The following ZNF668 variants were observed in gnomAD, a reference collection of about 807,000 sequenced individuals.
The protein encoded by ZNF668 is zinc finger protein 668.
In ZNF668, 10 loss-of-function variants were observed where a neutral mutation model predicts 40.3. The observed-to-expected ratio is 0.25, with a 90% CI of 0.15 to 0.42. The LOEUF is 0.42. Ranked by LOEUF, ZNF668 falls within the 10% of genes least tolerant of loss-of-function variation. The pLI is 1.00. For synonymous variants in ZNF668, 428 were observed against 384.6 expected, an observed-to-expected ratio of 1.11 and a Z score of -1.32; for missense variants, 749 against 904.6, an observed-to-expected ratio of 0.83 and a Z score of 2.21.
Position 31,064,887 on chromosome 16 carries a change from G to A in ZNF668, c.-22-406C>T, listed in dbSNP as rs762804606. 77 of 1,414,216 alleles carry A rather than the reference G, an allele frequency of 5.4e-5. 1 individual carries two copies. The highest frequency in any genetic ancestry group is 6.7e-5 in the Non-Finnish European group (73 of 1,089,134). The allele number at this position is 1,414,216 out of a possible 1,614,324, so 87.6% of individuals were successfully genotyped here. A position where few individuals can be genotyped will look rare whatever the true frequency, so the allele number is the denominator to read the frequency against. ...GGGCCTGGCCTGAAGGTCTCCAAGC[G>A]CCCAGAAAAGACAGACCTGGGACCA... On this transcript the variant is annotated intron_variant, in intron 1 of 2. Coordinates refer to ENST00000300849, the MANE Select transcript of ZNF668 (RefSeq NM_024706.5).
In ZNF668 at chr16:31,062,100, C is replaced by A. The variant is rs769189704; in HGVS notation, c.828G>T (p.Gly276=). ...AGCGCGGGCACAGGAAGGGCTTCTC[C>A]CCCGAGTGCGTGCGCTCGTGGCTCT... ...SYQSHERTHS[G]EKPFLCPRCG... is the part of the protein sequence containing the mutation. Residue 276 remains glycine (G), a synonymous_variant, in exon 3 of 3, where the codon GGG becomes GGT. Transcript: ENST00000300849. The A allele has an allele frequency of 6.2e-7, 1 of 1,613,654 alleles. No individual in the cohort carries two copies. The highest frequency in any genetic ancestry group is 8.5e-7 in the Non-Finnish European group (1 of 1,179,832).
intron 1 of ZNF668, among the ~76,000 whole-genome samples, chr16:31,068,304 G>A (rs1307247313): frequency 7.1e-6 from 1 of 140,582 alleles, no homozygotes; most frequent in Non-Finnish European, 1.5e-5. Flanking sequence ...GCCCAGGCTG[G>A]AGTGCAGTGG....
chr16:31,065,282 C>T (rs747290157), intron 1 of ZNF668, among the ~76,000 whole-genome samples: 3 of 152,246 alleles, frequency 2.0e-5, no homozygotes, highest in African/African-American at 2.4e-5. Flanking sequence ...AGAACCCAGA[C>T]GCCCTCCACC....
In ZNF668 at chr16:31,062,197, C is replaced by T. The variant is rs1317182087; in HGVS notation, c.731G>A (p.Arg244His). Residue 244 changes from arginine to histidine, a missense_variant, in exon 3 of 3, where the codon CGC (arginine) becomes CAC (histidine). Arg to His is a conservative substitution (Grantham distance 29). This residue lies in a region of ZNF668 where 129 missense variants were observed against 231.2 expected (regional missense o/e 0.56). Coordinates refer to ENST00000300849, the MANE Select transcript of ZNF668 (RefSeq NM_024706.5). ...GTAGGGCTTCTGTGCCGCGTGGATGCGCTGGTGGCACGTGAGCGAGGATGA... is the reference window on the plus strand; with the variant it reads ...GTAGGGCTTCTGTGCCGCGTGGATGTGCTGGTGGCACGTGAGCGAGGATGA... ...SRSSSLTCHQRIHAAQKPYRC... is the reference protein window; with the variant it reads ...SRSSSLTCHQHIHAAQKPYRC... 1.5e-5 allele frequency: 24 copies of T among 1,613,672 alleles called. No homozygotes were observed. Among genetic ancestry groups the T allele is most frequent in the Non-Finnish European group, 2.0e-5 (24 of 1,179,838 alleles).
At position 31,061,813 on chromosome 16, in the gene ZNF668, G is replaced by T. The variant is rs777926503; in HGVS notation, c.1115C>A (p.Ala372Asp). 1 of 1,612,290 alleles carries T rather than the reference G, an allele frequency of 6.2e-7. No homozygotes were observed. The highest frequency in any genetic ancestry group is 8.5e-7 in the Non-Finnish European group (1 of 1,179,730). The part of the protein sequence containing the change: ...RPFRCEECGR[A>D]FAERASLTKH... ...CGTGAGGCTGGCACGCTCGGCGAAG[G>T]CTCGCCCGCACTCCTCACAGCGGAA... is the stretch of plus-strand genomic sequence containing the variant. The change falls in exon 3 of 3, where the codon GCC (alanine) becomes GAC (aspartate). Residue 372 changes from alanine to aspartate, a missense_variant. Physicochemically the swap from Ala to Asp is moderately radical, Grantham distance 126 (BLOSUM62 -2). This residue lies in a region of ZNF668 where 310 missense variants were observed against 355.1 expected (regional missense o/e 0.87). Transcript: ENST00000300849. This position sits in a 1 kb window ranked among gnomAD's most constrained non-coding sequence, Gnocchi z 7.7.
intron 1 of ZNF668, chr16:31,073,193 A>G (rs1439873956): frequency 6.6e-6 from 1 of 152,404 alleles, no homozygotes; most frequent in Non-Finnish European, 1.5e-5. Context: ...GGCAAGGAGG[A>G]CTGAACGAAG....
chr16:31,061,413 C>T lies in ZNF668; in HGVS notation c.1515G>A (p.Gly505=). The part of the protein sequence containing the change: ...PGPLEGAGEA[G]GEEADEKPPQ... ...GGGGCTTCTCGTCAGCCTCCTCACCCCCCGCCTCGCCTGCCCCTTCCAAGG... is the reference window on the plus strand; with the variant it reads ...GGGGCTTCTCGTCAGCCTCCTCACCTCCCGCCTCGCCTGCCCCTTCCAAGG... The change falls in exon 3 of 3, where the codon GGG becomes GGA. Residue 505 remains glycine (G), a synonymous_variant. Coordinates refer to ENST00000300849, the MANE Select transcript of ZNF668 (RefSeq NM_024706.5). This position sits in a 1 kb window ranked among gnomAD's most constrained non-coding sequence, Gnocchi z 7.7. 1.2e-6 allele frequency: 2 copies of T among 1,613,880 alleles called. No homozygotes were observed. Among genetic ancestry groups the T allele is most frequent in the South Asian group, 1.1e-5 (1 of 91,086 alleles).
chr16:31,061,404 C>G lies in ZNF668; in HGVS notation c.1524G>C (p.Glu508Asp). The change falls in exon 3 of 3, where the codon GAG (glutamate) becomes GAC (aspartate). Residue 508 changes from glutamate (E) to aspartate (D), a missense_variant. By Grantham distance (45) the Glu-to-Asp change is conservative. Coordinates refer to ENST00000300849, the MANE Select transcript of ZNF668 (RefSeq NM_024706.5). The surrounding 1 kb of genome is among the most constrained non-coding windows in gnomAD (Gnocchi z 7.7). Reference protein sequence around the residue: ...LEGAGEAGGEEADEKPPQFVC... With the variant: ...LEGAGEAGGEDADEKPPQFVC... ...CAAACTGGGGGGGCTTCTCGTCAGCCTCCTCACCCCCCGCCTCGCCTGCCC... is the reference window on the plus strand; with the variant it reads ...CAAACTGGGGGGGCTTCTCGTCAGCGTCCTCACCCCCCGCCTCGCCTGCCC... The G allele has an allele frequency of 6.2e-7, 1 of 1,613,884 alleles. No individual in the cohort carries two copies. Among genetic ancestry groups the G allele is most frequent in the African/African-American group, 1.3e-5 (1 of 75,028 alleles).
At chr16:31,070,665 C>T (rs1221273510) in intron 1 of ZNF668, among the ~76,000 whole-genome samples, 3 of 151,800 alleles carry the variant, frequency 2.0e-5, no homozygotes, top group Non-Finnish European at 2.9e-5. Context: ...CTCAGCCTCC[C>T]GAGTAGCTGG....
At position 31,066,411 on chromosome 16, in the gene ZNF668, G is replaced by GCC. The variant is rs2056982097; in HGVS notation, c.-22-1932_-22-1931dup. 3 of 981,516 alleles carry GCC rather than the reference G, an allele frequency of 3.1e-6. 1 individual carries two copies. The South Asian group carries it at 1.4e-4, about 46-fold the overall frequency. The allele number at this position is 981,516 out of a possible 1,614,324, so 60.8% of individuals were successfully genotyped here. ...TTTTCCCACTAAATCCTAGGGCTTA[G>GCC]CCAGGTGTGGTGGCATGCGCCTTAA... is the stretch of plus-strand genomic sequence containing the variant. On this transcript the variant is annotated intron_variant, in intron 1 of 2. Transcript: ENST00000300849.
At chr16:31,062,386 T>C in intron 2 of ZNF668, 106 bp from the exon 3 acceptor site, 2 of 1,442,454 alleles carry the variant, frequency 1.4e-6, no homozygotes, top group Non-Finnish European at 1.8e-6. Flanking sequence ...CGTGGGGGCC[T>C]AGGCTTAATC....
rs1055270644 is a variant in ZNF668 at position 31,065,134 on chromosome 16, T to C, written c.-22-653A>G. 1.7e-5 allele frequency: 17 copies of C among 1,002,970 alleles called. 1 individual carries two copies. In the Admixed American group the frequency reaches 4.8e-4, roughly 28 times the overall value. 62.1% of individuals were successfully genotyped at this position (1,002,970 alleles called of 1,614,324 possible). On this transcript the variant is annotated intron_variant, in intron 1 of 2. Coordinates refer to ENST00000300849, the MANE Select transcript of ZNF668 (RefSeq NM_024706.5). ...TCTTGTTGGCCTGTTCCCACAACTC[T>C]GGTAATGGAGAATCACTCAAGGCAG...
chr16:31,063,857 G>C lies in ZNF668; in HGVS notation c.603C>G (p.Cys201Trp), dbSNP rs1159362327. 3 of 1,590,844 alleles carry C rather than the reference G, an allele frequency of 1.9e-6. No homozygotes were observed. Among genetic ancestry groups the C allele is most frequent in the Non-Finnish European group, 2.6e-6 (3 of 1,167,448 alleles). ...AGLRPYSCER[C>W]GKAYAELKDL... Reference sequence around the variant, plus strand: ...CCTTGAGCTCCGCATAGGCTTTGCCGCAACGCTCACAGCTGTAGGGCCGCA... The same window carrying C: ...CCTTGAGCTCCGCATAGGCTTTGCCCCAACGCTCACAGCTGTAGGGCCGCA... The change falls in exon 2 of 3, where the codon TGC becomes TGG. Residue 201 changes from cysteine (C) to tryptophan (W), a missense_variant. Cys to Trp is a radical substitution (Grantham distance 215). Transcript: ENST00000300849.
rs1481217143 is a variant in ZNF668, at chr16:31,064,205, C to T, written c.255G>A (p.Ala85=). 1.9e-6 allele frequency: 3 copies of T among 1,612,688 alleles called. No individual in the cohort carries two copies. Among genetic ancestry groups the T allele is most frequent in the Non-Finnish European group, 1.7e-6 (2 of 1,179,996 alleles). ...TGTAGGCCTTGGGGCATAGCGGACA[C>T]GCATAGGGCCTAGGCTTGGCCGCGG... The part of the protein sequence containing the change: ...SGSAAKPRPY[A]CPLCPKAYKT... Residue 85 remains alanine (A), a synonymous_variant, in exon 2 of 3, where the codon GCG becomes GCA. Coordinates refer to ENST00000300849, the MANE Select transcript of ZNF668 (RefSeq NM_024706.5).
rs1371498490 is a variant in ZNF668 at position 31,063,835 on chromosome 16, T to C, written c.625A>G (p.Lys209Glu). The C allele has an allele frequency of 1.3e-6, 2 of 1,580,870 alleles. No individual in the cohort carries two copies. The highest frequency in any genetic ancestry group is 8.6e-7 in the Non-Finnish European group (1 of 1,158,886). Residue 209 changes from lysine to glutamate, a missense_variant, in exon 2 of 3, where the codon AAG becomes GAG. Lys to Glu is a moderately conservative substitution (Grantham distance 56, BLOSUM62 1). Coordinates refer to ENST00000300849, the MANE Select transcript of ZNF668 (RefSeq NM_024706.5). ...ERCGKAYAEL[K>E]DLRNHERSHT... Reference sequence around the variant, plus strand: ...CACCGCTCATGGTTGCGGAGGTCCTTGAGCTCCGCATAGGCTTTGCCGCAA... The same window carrying C: ...CACCGCTCATGGTTGCGGAGGTCCTCGAGCTCCGCATAGGCTTTGCCGCAA...
Position 31,061,768 on chromosome 16 carries a change from G to T in ZNF668, c.1160C>A (p.Ser387Ter), listed in dbSNP as rs775410937. The change falls in exon 3 of 3, where the codon TCG becomes TAG. Residue 387 changes from serine to a stop codon, truncating the protein, a stop_gained. Coordinates refer to ENST00000300849, the MANE Select transcript of ZNF668 (RefSeq NM_024706.5). LOFTEE classifies it high-confidence loss of function. The surrounding 1 kb of genome is among the most constrained non-coding windows in gnomAD (Gnocchi z 7.7). ...GTTACAGTGGAAGGGGCGCTCCCCC[G>T]AGTGCACCCGGCTATGCTTCGTGAG... ...ASLTKHSRVH[S>*]GERPFHCNAC... is the part of the protein sequence containing the mutation. The T allele has an allele frequency of 6.2e-7, 1 of 1,612,884 alleles. No homozygotes were observed. Among genetic ancestry groups the T allele is most frequent in the African/African-American group, 1.3e-5 (1 of 74,936 alleles).
chr16:31,073,427 C>T (rs967712120), intron 1 of ZNF668: 9 of 152,218 alleles, frequency 5.9e-5, no homozygotes, highest in African/African-American at 2.2e-4. Flanking sequence ...AGCAGCCGCG[C>T]GGGCCGAGCC....
chr16:31,065,877 A>G (rs963569942), intron 1 of ZNF668, among the ~76,000 whole-genome samples: 46 of 151,782 alleles, frequency 3.0e-4, no homozygotes, highest in African/African-American at 1.0e-3. Context: ...TAAAAAGACT[A>G]TTTCCTCATC....
rs768592728 is a variant in ZNF668, at chr16:31,064,312, A to C, written c.148T>G (p.Ser50Ala). ...HAATHGPADC[S>A]EEVAEVKPKP... is the part of the protein sequence containing the mutation. ...GGCTTCACCTCGGCCACCTCTTCAGAGCAGTCTGCCGGCCCATGTGTGGCA... is the reference window on the plus strand; with the variant it reads ...GGCTTCACCTCGGCCACCTCTTCAGCGCAGTCTGCCGGCCCATGTGTGGCA... Residue 50 changes from serine to alanine, a missense_variant, in exon 2 of 3, where the codon TCT becomes GCT. Ser to Ala is a moderately conservative substitution (Grantham distance 99, BLOSUM62 1). This residue lies in a region of ZNF668 where 159 missense variants were observed against 139.8 expected (regional missense o/e 1.14). Transcript: ENST00000300849. 3.7e-6 allele frequency: 6 copies of C among 1,613,762 alleles called. No individual in the cohort carries two copies. The East Asian group carries it at 1.3e-4, about 36-fold the overall frequency.
Sources: allele counts gnomAD v4.1 joint callset (sites outside exome capture counted in the v4.1 genomes callset), GRCh38; gene constraint gnomAD v4.1.1; regional missense constraint gnomAD v4.1.1; non-coding constraint Gnocchi (gnomAD v3.1); transcripts MANE v1.5; gene names NCBI Gene and HGNC (gene_info 2026-07-23, HGNC 2026-07-21).